PLCB4: variants seen among roughly 807,000 people sequenced by gnomAD.
PLCB4 encodes 1-phosphatidylinositol 4,5-bisphosphate phosphodiesterase beta-4.
A neutral mutation model predicts 178.8 loss-of-function variants in PLCB4; 77 were observed. That is an observed-to-expected ratio of 0.43 (90% CI 0.36 to 0.52). The LOEUF is 0.52. Among genes scored for constraint, PLCB4 ranks in the 20% least tolerant of loss-of-function variants. The probability of loss-of-function intolerance (pLI) is 0.00; values close to 1 mark genes in which losing one functional copy is unlikely to be tolerated. For missense variants in PLCB4, 1,024 were observed against 1,453.4 expected, an observed-to-expected ratio of 0.70 and a Z score of 4.80; for synonymous variants, 496 against 490.8, an observed-to-expected ratio of 1.01 and a Z score of -0.14.
intron 2 of PLCB4, among the ~76,000 whole-genome samples, chr20:9,208,298 T>C (rs1441776919): frequency 6.6e-6 from 1 of 152,198 alleles, no homozygotes; most frequent in African/African-American, 2.4e-5. Flanking sequence ...TTCTGTCTCA[T>C]AGAGTTTGAT....
chr20:9,121,138 ATT>A (rs777747111), intron 2 of PLCB4, among the ~76,000 whole-genome samples: 59 of 152,114 alleles, frequency 3.9e-4, no homozygotes, highest in Non-Finnish European at 7.9e-4. Flanking sequence ...CTACCTGTCA[ATT>A]TCCAGAAGGC....
At chr20:9,368,452 T>A (rs1474791281) in intron 9 of PLCB4, among the ~76,000 whole-genome samples, 2 of 152,106 alleles carry the variant, frequency 1.3e-5, no homozygotes, top group African/African-American at 2.4e-5. Flanking sequence ...ACTAGAAAAT[T>A]GGGAAGTGAG....
chr20:9,293,943 G>A (rs765072831), intron 3 of PLCB4, among the ~76,000 whole-genome samples: 13 of 152,032 alleles, frequency 8.6e-5, no homozygotes, highest in Non-Finnish European at 1.8e-4. Flanking sequence ...AGTACCGGGG[G>A]GCAAGGAATC....
chr20:9,372,459 T>G (rs1464622571), intron 11 of PLCB4, 56 bp downstream of exon 11: 82 of 858,002 alleles, frequency 9.6e-5, no homozygotes, highest in Non-Finnish European at 5.7e-6. Flanking sequence ...CCTTTTCGAT[T>G]TTTTAAAACG....
intron 2 of PLCB4, among the ~76,000 whole-genome samples, chr20:9,140,970 G>A (rs780230932): frequency 1.3e-5 from 2 of 152,206 alleles, no homozygotes; most frequent in African/African-American, 4.8e-5. Context: ...GGGAATATAA[G>A]GACATAGTTT....
intron 2 of PLCB4, among the ~76,000 whole-genome samples, chr20:9,124,125 G>A (rs2092047828): frequency 6.6e-6 from 1 of 152,056 alleles, no homozygotes; most frequent in Admixed American, 6.6e-5. Flanking sequence ...TTGGGCTTTT[G>A]CAAAAGCAGG....
chr20:9,443,273 T>C (rs768732030), intron 30 of PLCB4, among the ~76,000 whole-genome samples: 2 of 152,238 alleles, frequency 1.3e-5, no homozygotes, highest in African/African-American at 2.4e-5. Flanking sequence ...AAAAATGTTT[T>C]ATTCTTTCAC....
chr20:9,280,509 C>T (rs1318276278), intron 3 of PLCB4: 2 of 960,228 alleles, frequency 2.1e-6, no homozygotes, highest in Non-Finnish European at 2.5e-6. Flanking sequence ...CACTGGGTTT[C>T]TCATCCCATT....
chr20:9,323,709 C>T (rs1464798531), intron 4 of PLCB4, among the ~76,000 whole-genome samples: 1 of 152,166 alleles, frequency 6.6e-6, no homozygotes, highest in Non-Finnish European at 1.5e-5. Context: ...GGAGTCCCCT[C>T]ATTGGACAGT....
chr20:9,111,593 C>T (rs1055576112), intron 2 of PLCB4, among the ~76,000 whole-genome samples: 3 of 152,226 alleles, frequency 2.0e-5, no homozygotes, highest in African/African-American at 7.2e-5. Context: ...TCTGACAAAC[C>T]TTTAATTTTG....
chr20:9,391,564 A>T (rs558552515), intron 17 of PLCB4, among the ~76,000 whole-genome samples: 1 of 152,214 alleles, frequency 6.6e-6, no homozygotes, highest in African/African-American at 2.4e-5. Flanking sequence ...CTGAAAAAAA[A>T]TATGAGAGAC....
intron 2 of PLCB4, among the ~76,000 whole-genome samples, chr20:9,160,397 C>T (rs532879684): frequency 7.2e-5 from 11 of 152,178 alleles, no homozygotes; most frequent in East Asian, 5.8e-4. Flanking sequence ...CCTGACACAG[C>T]GCCGGGAGCA....
chr20:9,368,899 A>G (rs1377388880), intron 9 of PLCB4, among the ~76,000 whole-genome samples: 1 of 152,164 alleles, frequency 6.6e-6, no homozygotes, highest in African/African-American at 2.4e-5. Flanking sequence ...ACAAAAACTC[A>G]TTGAGTACCA....
intron 2 of PLCB4, among the ~76,000 whole-genome samples, chr20:9,198,336 T>C (rs2093498823): frequency 6.6e-6 from 1 of 152,222 alleles, no homozygotes; most frequent in Non-Finnish European, 1.5e-5. Context: ...AGTGTACTTT[T>C]GGTCAACATT....
chr20:9,269,692 C>G (rs1763917801), intron 3 of PLCB4, among the ~76,000 whole-genome samples: 1 of 152,098 alleles, frequency 6.6e-6, no homozygotes, highest in Non-Finnish European at 1.5e-5. Context: ...AGAAAAGAAA[C>G]CACTCTAGGT....
chr20:9,431,037 T>C (rs1463560205), intron 28 of PLCB4, among the ~76,000 whole-genome samples: 1 of 152,194 alleles, frequency 6.6e-6, no homozygotes, highest in Non-Finnish European at 1.5e-5. Flanking sequence ...CTGTAACAAA[T>C]AACCACAGAC....
chr20:9,348,536 T>C (rs1295899086), intron 7 of PLCB4, among the ~76,000 whole-genome samples: 2 of 152,116 alleles, frequency 1.3e-5, no homozygotes, highest in Non-Finnish European at 2.9e-5. Context: ...ACAGAGATCA[T>C]ATACTACTTA....
intron 37 of PLCB4, among the ~76,000 whole-genome samples, 158 bp downstream of exon 37, chr20:9,473,005 C>T (rs902778118): frequency 6.6e-6 from 1 of 152,092 alleles, no homozygotes; most frequent in Non-Finnish European, 1.5e-5. Flanking sequence ...TAATGTCTCA[C>T]TAAAATCTTT....
chr20:9,276,375 G>A (rs1308672940), intron 3 of PLCB4, among the ~76,000 whole-genome samples: 1 of 152,020 alleles, frequency 6.6e-6, no homozygotes, highest in Non-Finnish European at 1.5e-5. Flanking sequence ...CACATTTCAT[G>A]GGCCAGGACT....
Sources: gnomAD v4.1 joint callset for allele counts (sites outside exome capture counted in the v4.1 genomes callset) on GRCh38, gnomAD v4.1.1 for gene constraint, MANE v1.5 for transcripts, NCBI Gene and HGNC (gene_info 2026-07-23, HGNC 2026-07-21) for gene names.